The following HHIPL1 variants were observed in gnomAD, a reference collection of about 807,000 sequenced individuals.
HHIPL1 encodes HHIP-like protein 1.
HHIPL1 carries 43 observed loss-of-function variants against 61.8 expected under a neutral mutation model. The ratio of observed to expected loss-of-function variants is 0.70; its 90% confidence interval spans 0.55 to 0.90. The LOEUF (loss-of-function observed/expected upper bound fraction) is 0.90, where lower values mean the gene tolerates loss of function less well. Ranked by LOEUF, HHIPL1 falls within the 40% of genes least tolerant of loss-of-function variation. The pLI is 0.00. For missense variants in HHIPL1, 1,056 were observed against 1,157.7 expected (o/e 0.91, Z 1.28); for synonymous variants, 482 against 515.8 (o/e 0.93, Z 0.89).
At position 99,657,066 on chromosome 14, in the gene HHIPL1, C is replaced by T. The variant is rs140994822; in HGVS notation, c.969C>T (p.Asp323=). 176 of 1,613,518 alleles carry T rather than the reference C, an allele frequency of 1.1e-4. No homozygotes were observed. In the African/African-American group the frequency reaches 2.0e-3, roughly 18 times the overall value. Residue 323 remains aspartate, a synonymous_variant, in exon 3 of 9, where the codon GAC becomes GAT. Coordinates refer to ENST00000330710, the MANE Select transcript of HHIPL1 (RefSeq NM_001127258.3). ...GGGGCCAGCTGCTTTTCGGGGATGA[C>T]GGGTACCTCTACATCTTCACTGGAG... The part of the protein sequence containing the change: ...HNGGQLLFGD[D]GYLYIFTGDG...
chr14:99,642,746 G>C (rs770402404), upstream of HHIPL1, among the ~76,000 whole-genome samples: 1 of 151,784 alleles, frequency 6.6e-6, no homozygotes, highest in Non-Finnish European at 1.5e-5. Flanking sequence ...GTATGATTTC[G>C]ATCTCCTGAC....
intron 4 of HHIPL1, 91 bp downstream of exon 4, chr14:99,659,847 C>CA: frequency 3.2e-6 from 1 of 311,212 alleles, no homozygotes; most frequent in Non-Finnish European, 4.6e-6. Context: ...GGAGACCGCA[C>CA]CCCCCCCCCC....
At chr14:99,635,260 G>A in the HHIPL1 span, among the ~76,000 whole-genome samples, 19 of 152,302 alleles carry the variant, frequency 1.2e-4, no homozygotes, top group Non-Finnish European at 2.2e-4. Context: ...AGGGCCCTCC[G>A]CCTGCCGTCC....
In HHIPL1 at chr14:99,659,399, A is replaced by G. The variant is rs1433112337; in HGVS notation, c.1047-29A>G. ...TGAGCCCTGGCTCAGGGCGACCCCG[A>G]GCCGCGCCCTCTCCCACCCCGCCCG... On this transcript the variant is annotated intron_variant, in intron 3 of 8. Coordinates refer to ENST00000330710, the MANE Select transcript of HHIPL1 (RefSeq NM_001127258.3). 7.9e-6 allele frequency: 11 copies of G among 1,395,984 alleles called. No individual in the cohort carries two copies. In the Admixed American group the frequency reaches 1.3e-4, roughly 16 times the overall value. 86.5% of individuals were successfully genotyped at this position (1,395,984 alleles called of 1,614,324 possible).
the HHIPL1 span, among the ~76,000 whole-genome samples, chr14:99,604,979 G>C: frequency 2.3e-4 from 35 of 152,292 alleles, 1 homozygote; most frequent in East Asian, 6.8e-3. Context: ...CCAGGGCTGA[G>C]CTAAACGCTG....
the HHIPL1 span, among the ~76,000 whole-genome samples, chr14:99,631,457 G>A: frequency 6.6e-6 from 1 of 151,322 alleles, no homozygotes; most frequent in South Asian, 2.1e-4. Flanking sequence ...AGTTCAGCCC[G>A]TAACTGATCC....
At chr14:99,643,696 C>A (rs1273053220), upstream of HHIPL1, among the ~76,000 whole-genome samples, 2 of 152,216 alleles carry the variant, frequency 1.3e-5, no homozygotes, top group Non-Finnish European at 2.9e-5. Context: ...CGTTGCAGGC[C>A]GCATTTCCCA....
the HHIPL1 span, among the ~76,000 whole-genome samples, chr14:99,606,536 G>A: frequency 2.1e-4 from 32 of 152,336 alleles, no homozygotes; most frequent in Admixed American, 1.1e-3. Flanking sequence ...CCCCCTCCCC[G>A]TTCGTGCATG....
chr14:99,637,605 A>G, the HHIPL1 span, among the ~76,000 whole-genome samples: 2 of 152,018 alleles, frequency 1.3e-5, no homozygotes, highest in Admixed American at 6.6e-5. Context: ...AAAGTGTCAC[A>G]AGAGACCATT....
chr14:99,611,045 G>A, the HHIPL1 span, among the ~76,000 whole-genome samples: 5 of 152,290 alleles, frequency 3.3e-5, no homozygotes, highest in South Asian at 2.1e-4. Flanking sequence ...ATACATTGCC[G>A]AATTGCCCTT....
chr14:99,637,122 AAGAAAGAG>A, the HHIPL1 span, among the ~76,000 whole-genome samples: 3 of 121,894 alleles, frequency 2.5e-5, no homozygotes, highest in East Asian at 3.3e-4. Context: ...AAAGAAAGAA[AAGAAAGAG>A]AGAGAGAGAA....
chr14:99,611,669 C>G, the HHIPL1 span, among the ~76,000 whole-genome samples: 1 of 149,070 alleles, frequency 6.7e-6, no homozygotes, highest in Non-Finnish European at 1.5e-5. Context: ...CTCAAGTGAT[C>G]CTCCTGCCTC....
At chr14:99,638,253 G>A in the HHIPL1 span, among the ~76,000 whole-genome samples, 522 of 152,332 alleles carry the variant, frequency 3.4e-3, 2 homozygotes, top group Non-Finnish European at 5.6e-3. Flanking sequence ...TTCTCCCGCT[G>A]CAGCTAAGAG....
chr14:99,610,655 G>A, the HHIPL1 span, among the ~76,000 whole-genome samples: 1 of 152,146 alleles, frequency 6.6e-6, no homozygotes, highest in Admixed American at 6.5e-5. Context: ...TAGCTATTCA[G>A]GAGGCTGAGG....
At chr14:99,610,733 C>T in the HHIPL1 span, among the ~76,000 whole-genome samples, 2 of 150,582 alleles carry the variant, frequency 1.3e-5, no homozygotes, top group Admixed American at 1.3e-4. Flanking sequence ...TGCACTCTAG[C>T]CTAGACAACA....
intron 6 of HHIPL1, among the ~76,000 whole-genome samples, chr14:99,665,501 C>T (rs959601768): frequency 5.3e-5 from 8 of 152,302 alleles, no homozygotes; most frequent in East Asian, 1.9e-4. Flanking sequence ...AATGTGGTGG[C>T]GCCATCATGG....
the HHIPL1 span, among the ~76,000 whole-genome samples, chr14:99,627,198 A>G: frequency 1.1e-4 from 1 of 9,242 alleles, no homozygotes; most frequent in Non-Finnish European, 2.2e-3. This position sits in a 1 kb window ranked among gnomAD's most constrained non-coding sequence, Gnocchi z 4.4. Flanking sequence ...CTATCTTCCC[A>G]TCCATCCATC....
Position 99,675,658 on chromosome 14 carries a change from G to T in HHIPL1, c.*32G>T. On this transcript the variant is annotated 3_prime_UTR_variant, in exon 9 of 9. Coordinates refer to ENST00000330710, the MANE Select transcript of HHIPL1 (RefSeq NM_001127258.3). This position sits in a 1 kb window ranked among gnomAD's most constrained non-coding sequence, Gnocchi z 5.4. ...CGCCGCTGCCCCAGGCCATCCCGCC[G>T]GCGGGGGAGCCTGGCAGGGGCCGCT... 4.7e-6 allele frequency: 7 copies of T among 1,475,404 alleles called. No homozygotes were observed. The highest frequency in any genetic ancestry group is 6.3e-6 in the Non-Finnish European group (7 of 1,113,840). The allele number at this position is 1,475,404 out of a possible 1,614,324, so 91.4% of individuals were successfully genotyped here.
chr14:99,609,070 C>T, the HHIPL1 span, among the ~76,000 whole-genome samples: 62 of 152,236 alleles, frequency 4.1e-4, no homozygotes, highest in Admixed American at 3.6e-3. Flanking sequence ...CACCCACTTC[C>T]TCCTGCTTCA....
Sources: allele counts gnomAD v4.1 joint callset (sites outside exome capture counted in the v4.1 genomes callset), GRCh38; gene constraint gnomAD v4.1.1; non-coding constraint Gnocchi (gnomAD v3.1); transcripts MANE v1.5; gene names NCBI Gene and HGNC (gene_info 2026-07-23, HGNC 2026-07-21).